KLHL15: variants seen among roughly 807,000 people sequenced by gnomAD.
KLHL15 encodes the protein kelch like family member 15.
Under a neutral mutation model 29.3 loss-of-function variants are expected in KLHL15, and 1 was observed. That is an observed-to-expected ratio of 0.03 (90% CI 0.01 to 0.16). The LOEUF is 0.16. Ranked by LOEUF, KLHL15 falls within the 10% of genes least tolerant of loss-of-function variation. The pLI is 1.00. For synonymous variants in KLHL15, 212 were observed against 184.5 expected (o/e 1.15, Z -1.21); for missense variants, 215 against 478.5 (o/e 0.45, Z 5.14).
At chrX:24,020,676 C>T (rs1169042611) in intron 2 of KLHL15, among the ~76,000 whole-genome samples, 1 of 111,584 alleles carries the variant, frequency 9.0e-6, no homozygotes, top group African/African-American at 3.3e-5. Context: ...CACACTATGA[C>T]TAGAAGTAGT....
chrX:24,015,692 T>C (rs1393041786), intron 2 of KLHL15, among the ~76,000 whole-genome samples: 1 of 112,580 alleles, frequency 8.9e-6, no homozygotes, highest in East Asian at 2.8e-4. Flanking sequence ...ACTCAGCCTC[T>C]CTGTGCTCTA....
At chrX:24,003,271 C>T (rs1187565013) in intron 3 of KLHL15, among the ~76,000 whole-genome samples, 3 of 110,741 alleles carry the variant, frequency 2.7e-5, no homozygotes, top group Non-Finnish European at 3.8e-5. Context: ...CATGGCCAGG[C>T]GCGGTGGCTC....
intron 2 of KLHL15, among the ~76,000 whole-genome samples, chrX:24,009,116 T>A (rs1297940098): frequency 9.0e-6 from 1 of 110,898 alleles, no homozygotes; most frequent in Non-Finnish European, 1.9e-5. Flanking sequence ...CCCAGCACTT[T>A]GGGAGGCTGA....
Position 24,004,046 on chromosome X carries a change from C to T in KLHL15, c.705+1943G>A, listed in dbSNP as rs150898784. On this transcript the variant is annotated intron_variant, in intron 3 of 3. Coordinates refer to ENST00000328046, the MANE Select transcript of KLHL15 (RefSeq NM_030624.3). ...ACATAGATACTGCAGAAGGATAAAC[C>T]CAAAGATTTCAGCACAGCTAGAGGA... Among the ~76,000 whole-genome samples the T allele has an allele frequency of 4.1e-3, 453 of 110,824 alleles. 3 individuals are homozygous for T. Among genetic ancestry groups the T allele is most frequent in the African/African-American group, 0.014 (413 of 30,482 alleles).
At chrX:24,022,905 T>C (rs1403008073) in intron 2 of KLHL15, among the ~76,000 whole-genome samples, 2 of 109,215 alleles carry the variant, frequency 1.8e-5, no homozygotes, top group Non-Finnish European at 3.8e-5. Flanking sequence ...AGGCTAACTT[T>C]GTGTTTTTAG....
intron 3 of KLHL15, among the ~76,000 whole-genome samples, chrX:23,994,720 T>C (rs188018543): frequency 8.9e-6 from 1 of 112,525 alleles, no homozygotes. Context: ...GAAAGAATGT[T>C]ACTACTTTTC....
intron 2 of KLHL15, among the ~76,000 whole-genome samples, chrX:24,022,279 G>A (rs921681606): frequency 9.5e-6 from 1 of 104,757 alleles, no homozygotes; most frequent in Non-Finnish European, 1.9e-5. Flanking sequence ...AGGTTGCAGT[G>A]AGCCGAGATC....
intron 3 of KLHL15, among the ~76,000 whole-genome samples, chrX:23,999,210 C>T (rs979880650): frequency 4.5e-5 from 5 of 111,000 alleles, no homozygotes; most frequent in South Asian, 7.5e-4. Flanking sequence ...CGCTTGGCCA[C>T]GGTTTTCTCC....
chrX:24,014,470 A>G (rs944424866), intron 2 of KLHL15, among the ~76,000 whole-genome samples: 2 of 110,810 alleles, frequency 1.8e-5, no homozygotes, highest in African/African-American at 6.6e-5. Flanking sequence ...TCTGAAAAAT[A>G]CTCCATCTAA....
chrX:24,008,047 G>C (rs1602009862), intron 2 of KLHL15, among the ~76,000 whole-genome samples: 1 of 111,296 alleles, frequency 9.0e-6, no homozygotes, highest in South Asian at 3.7e-4. Flanking sequence ...TGGGTAGTAG[G>C]TTTTCAGGAG....
chrX:24,007,504 A>T (rs1432519603), intron 2 of KLHL15, among the ~76,000 whole-genome samples: 2 of 54,982 alleles, frequency 3.6e-5, no homozygotes, highest in Non-Finnish European at 6.1e-5. Flanking sequence ...AAAAAAAAAA[A>T]AAAAATATAT....
intron 2 of KLHL15, among the ~76,000 whole-genome samples, chrX:24,018,736 T>A (rs148619377): frequency 2.4e-3 from 268 of 111,636 alleles, no homozygotes; most frequent in African/African-American, 8.3e-3. Flanking sequence ...GCACAGTGGC[T>A]CACATCCGTG....
chrX:24,020,971 G>A (rs1929791583), intron 2 of KLHL15, among the ~76,000 whole-genome samples: 1 of 111,873 alleles, frequency 8.9e-6, no homozygotes, highest in Non-Finnish European at 1.9e-5. Context: ...CAGAGACAAA[G>A]GGTATTTTTT....
chrX:24,018,572 T>C (rs1486854620), intron 2 of KLHL15, among the ~76,000 whole-genome samples: 3 of 111,673 alleles, frequency 2.7e-5, no homozygotes, highest in Non-Finnish European at 3.8e-5. Context: ...CCTCACATTT[T>C]TGTGCCTAAG....
chrX:24,016,077 G>A (rs748851393), intron 2 of KLHL15, among the ~76,000 whole-genome samples: 10 of 108,537 alleles, frequency 9.2e-5, no homozygotes, highest in East Asian at 2.9e-4. Flanking sequence ...GGCCAGGCAC[G>A]GTGACTCACG....
At chrX:23,991,077 G>A (rs1016200636) in intron 3 of KLHL15, among the ~76,000 whole-genome samples, 2 of 110,124 alleles carry the variant, frequency 1.8e-5, no homozygotes, top group African/African-American at 6.6e-5. Flanking sequence ...CATTGGCCAG[G>A]CACGGTGGCT....
At chrX:24,024,564 A>C (rs2147113625) in intron 2 of KLHL15, among the ~76,000 whole-genome samples, 1 of 112,607 alleles carries the variant, frequency 8.9e-6, no homozygotes, top group South Asian at 3.6e-4. Context: ...TTCAGGCATA[A>C]ATTGAATTGT....
chrX:24,021,132 G>A (rs147092295), intron 2 of KLHL15, among the ~76,000 whole-genome samples: 1,121 of 111,688 alleles, frequency 0.01, 19 homozygotes, highest in African/African-American at 0.034. Context: ...TTCCACTTTT[G>A]GACCAGCAGC....
chrX:24,026,508 C>T (rs1929936432), intron 1 of KLHL15, among the ~76,000 whole-genome samples: 2 of 111,267 alleles, frequency 1.8e-5, no homozygotes, highest in South Asian at 3.8e-4. Flanking sequence ...TACAATTAAC[C>T]TTAAATTAGG....
Sources: gnomAD v4.1 joint callset for allele counts (sites outside exome capture counted in the v4.1 genomes callset) on GRCh38, gnomAD v4.1.1 for gene constraint, MANE v1.5 for transcripts, NCBI Gene and HGNC (gene_info 2026-07-23, HGNC 2026-07-21) for gene names.